CEP112: variants seen among roughly 807,000 people sequenced by gnomAD.
CEP112 encodes the protein centrosomal protein of 112 kDa.
A neutral mutation model predicts 153.0 loss-of-function variants in CEP112; 127 were observed. That is an observed-to-expected ratio of 0.83 (90% CI 0.72 to 0.96). CEP112 has a LOEUF of 0.96. CEP112 is among the 40% of genes least tolerant of loss of function. The probability of loss-of-function intolerance (pLI) is 0.00; values close to 1 mark genes in which losing one functional copy is unlikely to be tolerated. For missense variants in CEP112, 1,089 were observed against 1,101.2 expected (o/e 0.99, Z 0.16); for synonymous variants, 358 against 374.4 (o/e 0.96, Z 0.51).
intron 20 of CEP112, among the ~76,000 whole-genome samples, chr17:65,858,087 T>G (rs955057386): frequency 6.6e-6 from 1 of 152,222 alleles, no homozygotes; most frequent in Non-Finnish European, 1.5e-5. Flanking sequence ...TACGTTATTT[T>G]TATACATTAT....
intron 18 of CEP112, among the ~76,000 whole-genome samples, chr17:65,950,404 C>T (rs1342861614): frequency 6.6e-6 from 1 of 152,000 alleles, no homozygotes; most frequent in Non-Finnish European, 1.5e-5. Flanking sequence ...TTTAACATTT[C>T]TCTTAGGAAT....
At chr17:65,713,506 A>G (rs2049315127) in intron 23 of CEP112, among the ~76,000 whole-genome samples, 3 of 152,210 alleles carry the variant, frequency 2.0e-5, no homozygotes, top group Admixed American at 1.3e-4. Flanking sequence ...CAAAATTCAA[A>G]TATTTCACAA....
intron 12 of CEP112, among the ~76,000 whole-genome samples, chr17:66,051,994 G>A (rs2145920981): frequency 6.6e-6 from 1 of 152,282 alleles, no homozygotes; most frequent in African/African-American, 2.4e-5. Context: ...ATTTACTTTA[G>A]CATACAGATG....
chr17:65,882,083 A>T (rs976434731), intron 20 of CEP112, among the ~76,000 whole-genome samples: 5 of 152,224 alleles, frequency 3.3e-5, no homozygotes, highest in Admixed American at 6.5e-5. Context: ...ACATTAAAGG[A>T]GTAATAAAGG....
At chr17:66,065,396 C>T (rs1343519484) in intron 10 of CEP112, among the ~76,000 whole-genome samples, 3 of 152,102 alleles carry the variant, frequency 2.0e-5, no homozygotes, top group Non-Finnish European at 2.9e-5. Context: ...ATTCTCTCTC[C>T]TTCACTCCAT....
chr17:66,016,723 A>C (rs2064790430), intron 16 of CEP112, among the ~76,000 whole-genome samples: 1 of 152,224 alleles, frequency 6.6e-6, no homozygotes, highest in Non-Finnish European at 1.5e-5. Flanking sequence ...ATGTACCAGT[A>C]GTTTCCCCTC....
At chr17:66,032,981 A>G (rs1394729640) in intron 12 of CEP112, among the ~76,000 whole-genome samples, 9 of 152,228 alleles carry the variant, frequency 5.9e-5, no homozygotes, top group African/African-American at 1.9e-4. Flanking sequence ...TAACAGATGC[A>G]TACATTCCAA....
At position 65,821,146 on chromosome 17, in the gene CEP112, C is replaced by G. The variant is rs140763623; in HGVS notation, c.2394+30658G>C. On this transcript the variant is annotated intron_variant, in intron 21 of 26. Transcript: ENST00000535342. Reference sequence around the variant, plus strand: ...AAAACAAAAAATGTTGTACAATGCTCTACACCTGGCTGGGTAACCAGTGTT... The same window carrying G: ...AAAACAAAAAATGTTGTACAATGCTGTACACCTGGCTGGGTAACCAGTGTT... Among the ~76,000 whole-genome samples, 386 of 151,216 alleles carry G rather than the reference C, an allele frequency of 2.6e-3. 1 individual carries two copies. Among genetic ancestry groups the G allele is most frequent in the African/African-American group, 8.8e-3 (364 of 41,290 alleles).
At chr17:65,915,852 T>C (rs2060460393) in intron 19 of CEP112, among the ~76,000 whole-genome samples, 1 of 148,890 alleles carries the variant, frequency 6.7e-6, no homozygotes, top group Non-Finnish European at 1.5e-5. Flanking sequence ...CAGTGGCTTC[T>C]CAACACACTC....
At chr17:65,684,155 A>G (rs1307720136) in intron 24 of CEP112, among the ~76,000 whole-genome samples, 1 of 152,230 alleles carries the variant, frequency 6.6e-6, no homozygotes, top group East Asian at 1.9e-4. Context: ...GGCAAAATCT[A>G]TAACTTATTC....
At chr17:66,027,699 C>G in intron 15 of CEP112, 139 bp from the exon 16 acceptor site, 1 of 597,804 alleles carries the variant, frequency 1.7e-6, no homozygotes, top group Non-Finnish European at 2.4e-6. Context: ...GTAAGCCCTA[C>G]AGGTAGAAAT....
At chr17:65,762,806 T>C (rs2052690044) in intron 21 of CEP112, among the ~76,000 whole-genome samples, 1 of 152,018 alleles carries the variant, frequency 6.6e-6, no homozygotes, top group Admixed American at 6.6e-5. Context: ...TGTATAAATA[T>C]ATATGAATAT....
chr17:65,952,098 T>A (rs2061855823), intron 18 of CEP112, among the ~76,000 whole-genome samples: 1 of 152,144 alleles, frequency 6.6e-6, no homozygotes, highest in Non-Finnish European at 1.5e-5. Flanking sequence ...ACTTTGTATT[T>A]CCATCCTTTT....
intron 24 of CEP112, among the ~76,000 whole-genome samples, chr17:65,669,731 G>A (rs1290756934): frequency 1.1e-4 from 16 of 152,032 alleles, no homozygotes; most frequent in South Asian, 2.1e-4. Context: ...GTGAAACCCT[G>A]TCTCTACTAA....
rs1053226123 is a variant in CEP112, at chr17:66,096,299, G to A, written c.720C>T (p.Ser240=). ...GAAAATGATCATCATGGAAACTGCT[G>A]GATTTTCTCAGGCTGAATTTCGGTG... ...LMTPKFSLRK[S]SSFHDDHFLS... The change falls in exon 8 of 27, where the codon TCC becomes TCT. Residue 240 remains serine, a synonymous_variant. Transcript: ENST00000535342. 1 of 1,613,062 alleles carries A rather than the reference G, an allele frequency of 6.2e-7. No individual in the cohort carries two copies. Among genetic ancestry groups the A allele is most frequent in the Non-Finnish European group, 8.5e-7 (1 of 1,179,602 alleles).
chr17:65,982,277 G>A (rs1219336245), intron 17 of CEP112, among the ~76,000 whole-genome samples: 12 of 152,044 alleles, frequency 7.9e-5, no homozygotes, highest in African/African-American at 1.9e-4. Context: ...GTAAAAATTC[G>A]TCAGAGTGCT....
intron 16 of CEP112, 71 bp from the exon 17 acceptor site, chr17:66,005,840 A>C: frequency 1.6e-6 from 2 of 1,264,990 alleles, no homozygotes; most frequent in Non-Finnish European, 1.1e-6. Flanking sequence ...CATACAAACA[A>C]TGAAACAGTG....
intron 17 of CEP112, among the ~76,000 whole-genome samples, chr17:65,975,982 T>TTTAACATTTGGCGTAACATTGGAA (rs1175948882): frequency 3.3e-5 from 5 of 152,242 alleles, no homozygotes; most frequent in Non-Finnish European, 7.3e-5. Context: ...GTGCTGGATG[T>TTTAACATTTGGCGTAACATTGGAA]GTTACGCAAT....
At chr17:66,062,051 C>T (rs144567017) in intron 11 of CEP112, among the ~76,000 whole-genome samples, 118 of 152,154 alleles carry the variant, frequency 7.8e-4, no homozygotes, top group Non-Finnish European at 1.4e-3. Context: ...TTCTCCTTGC[C>T]GCCTTGTGAA....
Sources: allele counts gnomAD v4.1 joint callset (sites outside exome capture counted in the v4.1 genomes callset), GRCh38; gene constraint gnomAD v4.1.1; transcripts MANE v1.5; gene names NCBI Gene and HGNC (gene_info 2026-07-23, HGNC 2026-07-21).